The following UBXN4 variants were observed in gnomAD, a reference collection of about 807,000 sequenced individuals.
The protein encoded by UBXN4 is UBX domain-containing protein 4.
A neutral mutation model predicts 66.2 loss-of-function variants in UBXN4; 35 were observed. The ratio of observed to expected loss-of-function variants is 0.53; its 90% CI spans 0.40 to 0.70. The LOEUF (loss-of-function observed/expected upper bound fraction) is 0.70. Ranked by LOEUF, UBXN4 falls within the 30% of genes least tolerant of loss-of-function variation. The probability of loss-of-function intolerance (pLI) is 0.00; values close to 1 mark genes in which losing one functional copy is unlikely to be tolerated. For synonymous variants in UBXN4, 203 were observed against 204.5 expected (o/e 0.99, Z 0.06); for missense variants, 533 against 599.8 (o/e 0.89, Z 1.16).
intron 11 of UBXN4, among the ~76,000 whole-genome samples, chr2:135,779,280 A>G (rs929860824): frequency 2.0e-5 from 3 of 150,380 alleles, no homozygotes; most frequent in Admixed American, 1.3e-4. Context: ...GAGACATGAA[A>G]CAGTTTAATT....
At chr2:135,773,808 A>G (rs896140785) in intron 9 of UBXN4, among the ~76,000 whole-genome samples, 9 of 152,244 alleles carry the variant, frequency 5.9e-5, no homozygotes, top group African/African-American at 2.2e-4. Flanking sequence ...TCCAAAAATA[A>G]TGAAGTAATA....
At chr2:135,760,704 A>C (rs2077310255) in intron 5 of UBXN4, among the ~76,000 whole-genome samples, 1 of 152,190 alleles carries the variant, frequency 6.6e-6, no homozygotes, top group South Asian at 2.1e-4. Flanking sequence ...AAGGTGGTTA[A>C]TTTCCTATTG....
intron 6 of UBXN4, among the ~76,000 whole-genome samples, chr2:135,765,210 T>G (rs905468388): frequency 4.0e-5 from 6 of 150,064 alleles, no homozygotes; most frequent in African/African-American, 1.5e-4. Flanking sequence ...TTCATTATGT[T>G]TTTTTTTTTT....
In UBXN4 at chr2:135,754,191, A is replaced by T. The variant is rs779866581; in HGVS notation, c.247A>T (p.Ile83Phe). ...AGTGTGTGTTCCATCCAGTTTCTTTATTGGAGACAGTGGAATTCCCTTGGA... is the reference window on the plus strand; with the variant it reads ...AGTGTGTGTTCCATCCAGTTTCTTTTTTGGAGACAGTGGAATTCCCTTGGA... The part of the protein sequence containing the change: ...PVVCVPSSFF[I>F]GDSGIPLEVI... Residue 83 changes from isoleucine (I) to phenylalanine (F), a missense_variant, in exon 4 of 13, where the codon ATT becomes TTT. By Grantham distance (21) the Ile-to-Phe change is conservative (BLOSUM62 0). Transcript: ENST00000272638. 28 of 1,614,098 alleles carry T rather than the reference A, an allele frequency of 1.7e-5. No homozygotes were observed. In the East Asian group the frequency reaches 6.2e-4, roughly 36 times the overall value.
In UBXN4 at chr2:135,783,070, T is replaced by G; in HGVS notation, c.*183T>G. ...CAGAAAAGTAAAGACAGGAAATAAC[T>G]CTCTGCTAGGTCCTTGCTTATATGG... On this transcript the variant is annotated 3_prime_UTR_variant, in exon 13 of 13. Coordinates refer to ENST00000272638, the MANE Select transcript of UBXN4 (RefSeq NM_014607.4). The G allele has an allele frequency of 1.7e-6, 1 of 603,722 alleles. No homozygotes were observed. Among genetic ancestry groups the G allele is most frequent in the Non-Finnish European group, 2.7e-6 (1 of 368,416 alleles). The allele number at this position is 603,722 out of a possible 1,614,324, so 37.4% of individuals were successfully genotyped here.
At chr2:135,752,240 A>C (rs1268231277) in intron 2 of UBXN4, among the ~76,000 whole-genome samples, 1 of 151,980 alleles carries the variant, frequency 6.6e-6, no homozygotes, top group East Asian at 1.9e-4. Context: ...GTAGAGAGGG[A>C]GTTTCACTAT....
intron 9 of UBXN4, among the ~76,000 whole-genome samples, chr2:135,774,060 A>G (rs945268142): frequency 1.3e-5 from 2 of 152,214 alleles, no homozygotes; most frequent in African/African-American, 4.8e-5. Context: ...AAGAAACACA[A>G]TAGTTAAAAC....
At chr2:135,773,695 AT>A (rs2077396870) in intron 9 of UBXN4, among the ~76,000 whole-genome samples, 1 of 152,224 alleles carries the variant, frequency 6.6e-6, no homozygotes, top group South Asian at 2.1e-4. Flanking sequence ...TGCTAATTGG[AT>A]TATGGTTAAT....
intron 6 of UBXN4, among the ~76,000 whole-genome samples, chr2:135,762,241 C>T (rs2077320002): frequency 2.0e-5 from 3 of 152,158 alleles, no homozygotes; most frequent in Non-Finnish European, 2.9e-5. Flanking sequence ...GCAAGAACTT[C>T]AGCTTATTTC....
At position 135,765,780 on chromosome 2, in the gene UBXN4, G is replaced by A. The variant is rs192061044; in HGVS notation, c.602+3869G>A. Among the ~76,000 whole-genome samples the A allele has an allele frequency of 3.7e-4, 56 of 151,894 alleles. No individual in the cohort carries two copies. The East Asian group carries it at 9.1e-3, about 25-fold the overall frequency. On this transcript the variant is annotated intron_variant, in intron 6 of 12. Coordinates refer to ENST00000272638, the MANE Select transcript of UBXN4 (RefSeq NM_014607.4). ...GGCTTTGAGCAGGGACTCCATCCTA[G>A]GCCAGGATCTGGGGATCTGTGCTCA...
intron 2 of UBXN4, among the ~76,000 whole-genome samples, chr2:135,753,014 G>A (rs1007836802): frequency 6.4e-5 from 8 of 125,766 alleles, no homozygotes; most frequent in South Asian, 2.5e-4. Context: ...TACCACGCCC[G>A]GCCTTTTTTT....
intron 9 of UBXN4, 35 bp from the exon 10 acceptor site, chr2:135,776,214 G>T (rs1336686414): frequency 6.5e-7 from 1 of 1,529,604 alleles, no homozygotes; most frequent in Non-Finnish European, 9.0e-7. Context: ...ATATATAGAG[G>T]TGAAGATTGT....
chr2:135,775,851 A>G (rs899045432), intron 9 of UBXN4, among the ~76,000 whole-genome samples: 2 of 152,070 alleles, frequency 1.3e-5, no homozygotes, highest in Admixed American at 6.6e-5. Flanking sequence ...ACTGCAACCT[A>G]CACCTCCCGG....
chr2:135,768,582 C>G (rs1238437113), intron 6 of UBXN4, among the ~76,000 whole-genome samples: 2 of 149,068 alleles, frequency 1.3e-5, no homozygotes, highest in Non-Finnish European at 3.0e-5. Context: ...TTTTTTTTTC[C>G]TGAGGCGGAG....
intron 1 of UBXN4, among the ~76,000 whole-genome samples, chr2:135,743,235 A>G (rs1255701831): frequency 6.6e-6 from 1 of 152,200 alleles, no homozygotes; most frequent in South Asian, 2.1e-4. Flanking sequence ...TGTTACGCCA[A>G]GTTTTTAGCT....
intron 2 of UBXN4, among the ~76,000 whole-genome samples, chr2:135,752,327 G>A (rs1248187375): frequency 2.0e-5 from 3 of 152,126 alleles, no homozygotes; most frequent in East Asian, 3.9e-4. Context: ...GATTACAGGC[G>A]TGAGCCACCA....
intron 11 of UBXN4, 152 bp from the exon 12 acceptor site, chr2:135,780,031 G>A (rs1476677475): frequency 8.0e-6 from 5 of 625,376 alleles, no homozygotes; most frequent in Non-Finnish European, 1.4e-5. Context: ...TTATATATAC[G>A]TGAAAAACAG....
Position 135,764,304 on chromosome 2 carries a change from GA to G in UBXN4, c.602+2397del, listed in dbSNP as rs547666551. On this transcript the variant is annotated intron_variant, in intron 6 of 12. Transcript: ENST00000272638. ...GGCTTTTTTCTCATCTAGCTTCAAA[GA>G]AAACTAATTTTGTTAAGGGAAAGGG... Among the ~76,000 whole-genome samples, 401 of 152,066 alleles carry G rather than the reference GA, an allele frequency of 2.6e-3. 1 individual carries two copies. The highest frequency in any genetic ancestry group is 8.8e-3 in the African/African-American group (367 of 41,472).
intron 1 of UBXN4, among the ~76,000 whole-genome samples, chr2:135,746,080 G>C (rs1318864322): frequency 6.6e-6 from 1 of 151,942 alleles, no homozygotes; most frequent in Non-Finnish European, 1.5e-5. Context: ...GTTTCACCGT[G>C]TTGGCCGGGA....
Sources: gnomAD v4.1 joint callset for allele counts (sites outside exome capture counted in the v4.1 genomes callset) on GRCh38, gnomAD v4.1.1 for gene constraint, MANE v1.5 for transcripts, NCBI Gene and HGNC (gene_info 2026-07-23, HGNC 2026-07-21) for gene names.